The following RFX4 variants were observed in gnomAD, a reference collection of about 807,000 sequenced individuals.
RFX4 encodes the protein transcription factor RFX4.
In RFX4, 10 loss-of-function variants were observed where a neutral mutation model predicts 95.0. The observed-to-expected ratio is 0.11, with a 90% CI of 0.06 to 0.18. RFX4 has a LOEUF of 0.18. RFX4 is among the 10% of genes least tolerant of loss of function. RFX4 has a pLI of 1.00. For missense variants in RFX4, 640 were observed against 922.0 expected, an observed-to-expected ratio of 0.69 and a Z score of 3.96; for synonymous variants, 321 against 340.7, an observed-to-expected ratio of 0.94 and a Z score of 0.64.
At chr12:106,608,921 A>C in intron 2 of RFX4, 38 bp downstream of exon 2, 1 of 1,574,768 alleles carries the variant, frequency 6.4e-7, no homozygotes, top group Non-Finnish European at 8.7e-7. Context: ...GACATCCCAG[A>C]CATGGCCAAT....
intron 11 of RFX4, among the ~76,000 whole-genome samples, chr12:106,718,531 T>C (rs2042336325): frequency 6.6e-6 from 1 of 152,254 alleles, no homozygotes. Flanking sequence ...TGTTCATCCA[T>C]TCAGTCAACA....
In RFX4 at chr12:106,646,273, A is replaced by T. The variant is rs1592891784; in HGVS notation, c.191+6881A>T. On this transcript the variant is annotated intron_variant, in intron 3 of 17. Transcript: ENST00000392842. ...TATAGGTGGAAAGGGACCACTGAGG[A>T]GGTAGCTTCTGGTAGGGGATGGTGC... Among the ~76,000 whole-genome samples, 4 of 152,030 alleles carry T rather than the reference A, an allele frequency of 2.6e-5. No homozygotes were observed. In the East Asian group the frequency reaches 7.8e-4, roughly 30 times the overall value.
chr12:106,753,599 C>G (rs1365241571), intron 17 of RFX4, among the ~76,000 whole-genome samples: 1 of 152,156 alleles, frequency 6.6e-6, no homozygotes, highest in Non-Finnish European at 1.5e-5. Flanking sequence ...TGTTGTATGC[C>G]AGGCTCTGCG....
intron 16 of RFX4, among the ~76,000 whole-genome samples, chr12:106,748,189 A>G (rs7300105): frequency 0.16 from 23,740 of 152,114 alleles, 2,131 homozygotes; most frequent in East Asian, 0.27. Flanking sequence ...TAGGGCCTAA[A>G]CTGAGCAAAT....
rs547338074 is a variant in RFX4 at position 106,665,334 on chromosome 12, G to C, written c.315+10983G>C. Among the ~76,000 whole-genome samples the C allele has an allele frequency of 2.0e-4, 30 of 151,904 alleles. 1 individual carries two copies. In the South Asian group the frequency reaches 6.2e-3, roughly 32 times the overall value. The stretch of plus-strand genomic sequence containing the variant: ...GTTTCTTTTGATTAGTATTATCATA[G>C]TATATTTTTCTCCATCCATTTACTT... On this transcript the variant is annotated intron_variant, in intron 4 of 17. Coordinates refer to ENST00000392842, the MANE Select transcript of RFX4 (RefSeq NM_213594.3).
chr12:106,734,839 T>C (rs1346701800), intron 15 of RFX4, among the ~76,000 whole-genome samples: 2 of 151,924 alleles, frequency 1.3e-5, no homozygotes, highest in African/African-American at 4.8e-5. Context: ...GGTGGAAGGA[T>C]GTTTTGAAGC....
chr12:106,736,863 C>T (rs1219634496), intron 15 of RFX4, among the ~76,000 whole-genome samples: 3 of 152,150 alleles, frequency 2.0e-5, no homozygotes, highest in Non-Finnish European at 4.4e-5. Flanking sequence ...TCTGTCCTCT[C>T]ACACTACTCA....
At chr12:106,760,818 A>G (rs1268177699) in intron 17 of RFX4, among the ~76,000 whole-genome samples, 1 of 151,660 alleles carries the variant, frequency 6.6e-6, no homozygotes, top group African/African-American at 2.4e-5. Context: ...ATCCATCTGT[A>G]CATCCATATT....
intron 4 of RFX4, among the ~76,000 whole-genome samples, chr12:106,667,030 G>A (rs1198953612): frequency 6.6e-6 from 1 of 152,016 alleles, no homozygotes; most frequent in African/African-American, 2.4e-5. Context: ...TGGTGGTAAG[G>A]CGTGTTGTTG....
intron 2 of RFX4, among the ~76,000 whole-genome samples, chr12:106,630,078 A>C (rs1418610619): frequency 6.6e-6 from 1 of 151,962 alleles, no homozygotes; most frequent in Non-Finnish European, 1.5e-5. Flanking sequence ...TTTTCCATGA[A>C]CTGTGTGTCA....
chr12:106,717,477 C>A (rs975880916), intron 11 of RFX4, among the ~76,000 whole-genome samples: 1 of 152,236 alleles, frequency 6.6e-6, no homozygotes. Flanking sequence ...CTGTGGCTTT[C>A]TCTTCAAGTT....
chr12:106,650,924 A>T (rs969312070), intron 3 of RFX4, among the ~76,000 whole-genome samples: 3 of 152,140 alleles, frequency 2.0e-5, no homozygotes, highest in African/African-American at 7.2e-5. Context: ...AGCATCCCGG[A>T]AGCACTCAGG....
intron 2 of RFX4, among the ~76,000 whole-genome samples, chr12:106,609,946 C>T (rs1373394537): frequency 1.3e-5 from 2 of 152,044 alleles, no homozygotes; most frequent in Non-Finnish European, 2.9e-5. Flanking sequence ...TTGTGTGTAA[C>T]TTTTCTCAGT....
intron 4 of RFX4, among the ~76,000 whole-genome samples, chr12:106,663,773 T>C (rs539757661): frequency 6.6e-6 from 1 of 150,896 alleles, no homozygotes; most frequent in South Asian, 2.1e-4. Flanking sequence ...TTTTTTCAAA[T>C]CGTGAGTGGG....
In RFX4 at chr12:106,596,942, C is replaced by A. The variant is rs568769094; in HGVS notation, c.44-11855C>A. 3.3e-5 allele frequency among the ~76,000 whole-genome samples: 5 copies of A among 152,362 alleles called. No homozygotes were observed. In the East Asian group the frequency reaches 9.6e-4, roughly 29 times the overall value. On this transcript the variant is annotated intron_variant, in intron 1 of 17. Transcript: ENST00000392842. ...ATCTCTTTCCTTACTTTCTAGGAAG[C>A]CTGGCCCAAGGGCCCCTGCAAACTT...
chr12:106,683,485 A>AAAC (rs2041570143), intron 5 of RFX4: 1 of 149,826 alleles, frequency 6.7e-6, no homozygotes, highest in Non-Finnish European at 1.5e-5. Flanking sequence ...AAAAAAAAAA[A>AAAC]AAAAAAAAAA....
Position 106,756,564 on chromosome 12 carries a change from GAA to G in RFX4, c.1936-4622_1936-4621del, listed in dbSNP as rs66999948. ...TTGGGTTGGTGTCTTGGGCCAAAAA[GAA>G]AAAAAAAAAATTAATCAATGATAGT... On this transcript the variant is annotated intron_variant, in intron 17 of 17. Transcript: ENST00000392842. Among the ~76,000 whole-genome samples the G allele has an allele frequency of 1.5e-3, 223 of 148,496 alleles. 2 individuals are homozygous for G. Among genetic ancestry groups the G allele is most frequent in the East Asian group, 7.2e-3 (36 of 5,006 alleles).
chr12:106,644,456 C>T (rs563497047), intron 3 of RFX4, among the ~76,000 whole-genome samples: 1 of 152,234 alleles, frequency 6.6e-6, no homozygotes, highest in Admixed American at 6.5e-5. Flanking sequence ...TGGTTTTGAA[C>T]TCCTGACCTC....
chr12:106,750,312 A>G (rs969432780), intron 16 of RFX4, among the ~76,000 whole-genome samples: 2 of 152,048 alleles, frequency 1.3e-5, no homozygotes, highest in Non-Finnish European at 2.9e-5. Context: ...CCCCATCTCT[A>G]TTAAAAATAT....
Sources: gnomAD v4.1 joint callset for allele counts (sites outside exome capture counted in the v4.1 genomes callset) on GRCh38, gnomAD v4.1.1 for gene constraint, MANE v1.5 for transcripts, NCBI Gene and HGNC (gene_info 2026-07-23, HGNC 2026-07-21) for gene names.